CTIF: variants seen among roughly 807,000 people sequenced by gnomAD.
CTIF encodes the protein CBP80/20-dependent translation initiation factor.
Under a neutral mutation model 66.0 loss-of-function variants are expected in CTIF, and 21 were observed. The observed-to-expected ratio is 0.32, with a 90% CI of 0.23 to 0.46. The LOEUF is 0.46. Among genes scored for constraint, CTIF ranks in the 20% least tolerant of loss-of-function variants. The pLI is 1.00. For synonymous variants in CTIF, 345 were observed against 326.4 expected (o/e 1.06, Z -0.62); for missense variants, 739 against 812.7 (o/e 0.91, Z 1.10).
At chr18:48,552,852 C>G (rs898881709) in intron 1 of CTIF, among the ~76,000 whole-genome samples, 2 of 152,208 alleles carry the variant, frequency 1.3e-5, no homozygotes, top group Non-Finnish European at 2.9e-5. Context: ...GAAAAGGTCA[C>G]TGGTCTTAGA....
At chr18:48,626,000 C>CTTTTTTTTT (rs74174709) in intron 2 of CTIF, among the ~76,000 whole-genome samples, 231 of 109,136 alleles carry the variant, frequency 2.1e-3, no homozygotes, top group Middle Eastern at 5.6e-3. Context: ...CTTTTTCTTT[C>CTTTTTTTTT]TTTTTTTTTT....
At chr18:48,858,646 G>A (rs1229222316) in intron 11 of CTIF, among the ~76,000 whole-genome samples, 2 of 152,130 alleles carry the variant, frequency 1.3e-5, no homozygotes, top group African/African-American at 4.8e-5. Context: ...GAGAGGGCCT[G>A]GGGGGCACTG....
chr18:48,761,295 C>A lies in CTIF; in HGVS notation c.1072-95C>A. ...ATCCAGGGAAGTAGGCCTGGTCCTG[C>A]TTTCTGGGGGTGGCCACCCTCTTTC... is the stretch of plus-strand genomic sequence containing the variant. On this transcript the variant is annotated intron_variant, in intron 8 of 11. Coordinates refer to ENST00000256413, the MANE Select transcript of CTIF (RefSeq NM_014772.3). This position sits in a 1 kb window ranked among gnomAD's most constrained non-coding sequence, Gnocchi z 4.2. 2 of 1,249,428 alleles carry A rather than the reference C, an allele frequency of 1.6e-6. No homozygotes were observed. Among genetic ancestry groups the A allele is most frequent in the Non-Finnish European group, 2.2e-6 (2 of 892,482 alleles). 77.4% of individuals were successfully genotyped at this position (1,249,428 alleles called of 1,614,324 possible).
At chr18:48,815,731 AG>A (rs2068348766) in intron 9 of CTIF, among the ~76,000 whole-genome samples, 1 of 152,178 alleles carries the variant, frequency 6.6e-6, no homozygotes, top group Admixed American at 6.5e-5. Context: ...GTCATCTCTG[AG>A]GGCCTTCCAT....
intron 1 of CTIF, among the ~76,000 whole-genome samples, chr18:48,592,003 C>T (rs917966483): frequency 6.6e-6 from 1 of 152,222 alleles, no homozygotes; most frequent in Admixed American, 6.5e-5. Context: ...CCTCCTGCCT[C>T]TGCTTCGGAA....
chr18:48,557,821 C>T (rs1375308489), intron 1 of CTIF, among the ~76,000 whole-genome samples: 1 of 152,228 alleles, frequency 6.6e-6, no homozygotes, highest in African/African-American at 2.4e-5. Flanking sequence ...GGTCTCTCCT[C>T]TGTGTTTGTG....
intron 7 of CTIF, among the ~76,000 whole-genome samples, chr18:48,723,262 G>A (rs1242482473): frequency 6.6e-6 from 1 of 152,070 alleles, no homozygotes; most frequent in Non-Finnish European, 1.5e-5. Flanking sequence ...AGCTAAAGAC[G>A]GCATGGTCCT....
intron 8 of CTIF, chr18:48,760,815 C>G (rs1262694039): frequency 2.0e-5 from 3 of 152,598 alleles, no homozygotes; most frequent in Non-Finnish European, 4.4e-5. Flanking sequence ...CATATGTCTA[C>G]AGAAGACCAG....
At chr18:48,811,962 C>G (rs1042413942) in intron 9 of CTIF, among the ~76,000 whole-genome samples, 1 of 152,036 alleles carries the variant, frequency 6.6e-6, no homozygotes, top group Non-Finnish European at 1.5e-5. Context: ...CGAAGAATCA[C>G]CATACTATTT....
chr18:48,741,445 C>T (rs565298403), intron 7 of CTIF, among the ~76,000 whole-genome samples: 102 of 87,584 alleles, frequency 1.2e-3, no homozygotes, highest in Middle Eastern at 8.2e-3. Flanking sequence ...TTTTTTGAGG[C>T]GGAGTCTTGT....
intron 3 of CTIF, among the ~76,000 whole-genome samples, chr18:48,655,673 A>C (rs2091236385): frequency 6.6e-6 from 1 of 152,146 alleles, no homozygotes. Context: ...GGGGGTTTCC[A>C]TTCAGGAGGC....
intron 1 of CTIF, among the ~76,000 whole-genome samples, chr18:48,614,675 TAGAG>T (rs1012000185): frequency 1.3e-5 from 2 of 152,162 alleles, no homozygotes; most frequent in African/African-American, 4.8e-5. Flanking sequence ...GGCAAATTCA[TAGAG>T]AGAAGGGTGA....
At chr18:48,814,765 T>C (rs563682907) in intron 9 of CTIF, among the ~76,000 whole-genome samples, 1 of 152,336 alleles carries the variant, frequency 6.6e-6, no homozygotes, top group East Asian at 1.9e-4. Context: ...TGCTCCAGGC[T>C]CTGGACTAGG....
chr18:48,624,287 G>T (rs2090553968), intron 2 of CTIF, among the ~76,000 whole-genome samples: 1 of 152,134 alleles, frequency 6.6e-6, no homozygotes, highest in Non-Finnish European at 1.5e-5. Context: ...CTATTCTAAA[G>T]GAGGGAAACT....
At chr18:48,665,163 C>T (rs2091416879) in intron 5 of CTIF, among the ~76,000 whole-genome samples, 1 of 152,000 alleles carries the variant, frequency 6.6e-6, no homozygotes, top group African/African-American at 2.4e-5. Context: ...ATCCACCCGC[C>T]TCGGCCTCCC....
chr18:48,628,427 T>C (rs1284157111), intron 2 of CTIF, among the ~76,000 whole-genome samples: 1 of 152,120 alleles, frequency 6.6e-6, no homozygotes, highest in Non-Finnish European at 1.5e-5. Context: ...TTGCATTGTT[T>C]CTCACATGTT....
intron 1 of CTIF, among the ~76,000 whole-genome samples, chr18:48,551,954 C>G (rs547216234): frequency 6.6e-6 from 1 of 152,088 alleles, no homozygotes; most frequent in Non-Finnish European, 1.5e-5. Flanking sequence ...CCCGCCACCA[C>G]GCCCAGCTAA....
At chr18:48,723,760 C>G (rs1353677586) in intron 7 of CTIF, among the ~76,000 whole-genome samples, 1 of 152,176 alleles carries the variant, frequency 6.6e-6, no homozygotes, top group Non-Finnish European at 1.5e-5. Context: ...CCTCCTGGGT[C>G]GGCATTTACC....
intron 5 of CTIF, 118 bp from the exon 6 acceptor site, chr18:48,670,551 G>A (rs762439208): frequency 5.7e-6 from 5 of 873,724 alleles, no homozygotes; most frequent in Admixed American, 1.9e-5. Context: ...CCCCTGCAGG[G>A]CTTGAGGGTG....
Sources: gnomAD v4.1 joint callset for allele counts (sites outside exome capture counted in the v4.1 genomes callset) on GRCh38, gnomAD v4.1.1 for gene constraint, Gnocchi (gnomAD v3.1) non-coding constraint, MANE v1.5 for transcripts, NCBI Gene and HGNC (gene_info 2026-07-23, HGNC 2026-07-21) for gene names.